Variants in EPN1 observed in about 807,000 individuals in gnomAD.
The protein encoded by EPN1 is epsin-1.
In EPN1, 25 loss-of-function variants were observed where a neutral mutation model predicts 56.9. That is an observed-to-expected ratio of 0.44 (90% CI 0.32 to 0.61). The LOEUF (loss-of-function observed/expected upper bound fraction) is 0.61, where lower values mean the gene tolerates loss of function less well. EPN1 is among the 20% of genes least tolerant of loss of function. The probability of loss-of-function intolerance (pLI) is 0.05; values close to 1 mark genes in which losing one functional copy is unlikely to be tolerated. For missense variants in EPN1, 785 were observed against 823.7 expected (o/e 0.95, Z 0.58); for synonymous variants, 411 against 361.8 (o/e 1.14, Z -1.54).
chr19:55,699,986 T>G lies in EPN1; in HGVS notation c.*4630T>G, dbSNP rs1987066813. ...CCCAGGCTGGAGTGCAGTGGCTCGA[T>G]CTCTGCTCACTGCAAGCTCCGCCTC... On this transcript the variant is annotated 3_prime_UTR_variant, in exon 11 of 11. Transcript: ENST00000270460. The G allele has an allele frequency of 6.6e-6, 1 of 151,960 alleles. No individual in the cohort carries two copies. The highest frequency in any genetic ancestry group is 1.5e-5 in the Non-Finnish European group (1 of 68,010). 9.4% of individuals were successfully genotyped at this position (151,960 alleles called of 1,614,324 possible).
In EPN1 at chr19:55,691,178, G is replaced by T. The variant is rs978121471; in HGVS notation, c.763-576G>T. Among the ~76,000 whole-genome samples the T allele has an allele frequency of 6.6e-6, 1 of 152,108 alleles. No individual in the cohort carries two copies. Among genetic ancestry groups the T allele is most frequent in the Non-Finnish European group, 1.5e-5 (1 of 68,024 alleles). On this transcript the variant is annotated intron_variant, in intron 6 of 10. Transcript: ENST00000270460. The surrounding 1 kb of genome is among the most constrained non-coding windows in gnomAD (Gnocchi z 5.6). ...GGAAGACCTGCAGTGCGATGACTGC[G>T]GGGTGACAGTGGGGCAATGGGCGTG...
At chr19:55,682,034 G>A (rs1343020465) in intron 2 of EPN1, among the ~76,000 whole-genome samples, 2 of 151,604 alleles carry the variant, frequency 1.3e-5, no homozygotes, top group African/African-American at 4.9e-5. Flanking sequence ...TTGAACTCCT[G>A]GGCTCAAGCG....
rs12327799 is a variant in EPN1 at position 55,697,447 on chromosome 19, A to G, written c.*2091A>G. ...GGAGCCTGCACTCCCTTTCTCTTCA[A>G]AAAAGCTGAGGACGAAGATAAAATG... On this transcript the variant is annotated 3_prime_UTR_variant, in exon 11 of 11. Transcript: ENST00000270460. 2 of 152,224 alleles carry G rather than the reference A, an allele frequency of 1.3e-5. No individual in the cohort carries two copies. Among genetic ancestry groups the G allele is most frequent in the Admixed American group, 6.5e-5 (1 of 15,284 alleles). 9.4% of individuals were successfully genotyped at this position (152,224 alleles called of 1,614,324 possible). A position where few individuals can be genotyped will look rare whatever the true frequency, so the allele number is the denominator to read the frequency against.
Position 55,697,075 on chromosome 19 carries a change from C to T in EPN1, c.*1719C>T, listed in dbSNP as rs916801589. 9 of 152,204 alleles carry T rather than the reference C, an allele frequency of 5.9e-5. No homozygotes were observed. The highest frequency in any genetic ancestry group is 1.7e-4 in the African/African-American group (7 of 41,444). 9.4% of individuals were successfully genotyped at this position (152,204 alleles called of 1,614,324 possible). ...CTTGCTTAGCCAGGGAGGGGAAGCC[C>T]TCTTCTCACACCCGGCCTGGGTATG... is the stretch of plus-strand genomic sequence containing the variant. On this transcript the variant is annotated 3_prime_UTR_variant, in exon 11 of 11. Transcript: ENST00000270460.
Position 55,695,113 on chromosome 19 carries a change from C to A in EPN1, c.1523-35C>A. 1 of 1,612,726 alleles carries A rather than the reference C, an allele frequency of 6.2e-7. No individual in the cohort carries two copies. Among genetic ancestry groups the A allele is most frequent in the Non-Finnish European group, 8.5e-7 (1 of 1,179,090 alleles). On this transcript the variant is annotated intron_variant, in intron 10 of 10. Transcript: ENST00000270460. The surrounding 1 kb of genome is among the most constrained non-coding windows in gnomAD (Gnocchi z 4.4). The stretch of plus-strand genomic sequence containing the variant: ...GGACACAGGTGGGCTGCGCCACTGA[C>A]TCCACTCCGTGTCTCTGGTTTACTC...
In EPN1 at chr19:55,698,358, C is replaced by G. The variant is rs1600113571; in HGVS notation, c.*3002C>G. The stretch of plus-strand genomic sequence containing the variant: ...GAATTTCTCCCTGGGACAGGTGAAG[C>G]GATGGGGCGTGGGACATTCCTGGGT... On this transcript the variant is annotated 3_prime_UTR_variant, in exon 11 of 11. Transcript: ENST00000270460. 6.6e-6 allele frequency: 1 copy of G among 152,176 alleles called. No individual in the cohort carries two copies. The highest frequency in any genetic ancestry group is 1.5e-5 in the Non-Finnish European group (1 of 68,122). The allele number at this position is 152,176 out of a possible 1,614,324, so 9.4% of individuals were successfully genotyped here.
In EPN1 at chr19:55,685,497, G is replaced by A. The variant is rs1986105919; in HGVS notation, c.330G>A (p.Gln110=). 2 of 1,612,826 alleles carry A rather than the reference G, an allele frequency of 1.2e-6. No homozygotes were observed. The highest frequency in any genetic ancestry group is 8.5e-7 in the Non-Finnish European group (1 of 1,179,522). ...MYAVQTLKDF[Q]YVDRDGKDQG... ...CCGTGCAGACGCTGAAGGACTTCCA[G>A]TACGTGGACCGCGACGGCAAGGACC... The change falls in exon 3 of 11, where the codon CAG becomes CAA. Residue 110 remains glutamine, a synonymous_variant. Transcript: ENST00000270460.
chr19:55,686,676 A>G (rs1466396532), intron 3 of EPN1, among the ~76,000 whole-genome samples: 1 of 152,130 alleles, frequency 6.6e-6, no homozygotes, highest in African/African-American at 2.4e-5. Flanking sequence ...CCCACGAGCC[A>G]GTAGATGGGC....
At chr19:55,687,194 GT>G (rs1986227696) in intron 3 of EPN1, among the ~76,000 whole-genome samples, 1 of 152,166 alleles carries the variant, frequency 6.6e-6, no homozygotes, top group South Asian at 2.1e-4. Context: ...ATTGAAAAAT[GT>G]AAAGGCCTTT....
rs1378379642 is a variant in EPN1 at position 55,708,942 on chromosome 19, C to G, written c.*13586C>G. ...GGAGCACACCCCTGATCTTGTATTC[C>G]TCGTCAATCCAAGGTCCATGTGAAA... On this transcript the variant is annotated 3_prime_UTR_variant, in exon 11 of 11. Coordinates refer to ENST00000270460, the MANE Select transcript of EPN1 (RefSeq NM_001130072.2). 3.2e-6 allele frequency: 5 copies of G among 1,569,918 alleles called. No individual in the cohort carries two copies. The South Asian group carries it at 6.0e-5, about 19-fold the overall frequency.
rs1314143672 is a variant in EPN1 at position 55,690,048 on chromosome 19, A to G, written c.762+98A>G. 3.4e-6 allele frequency: 4 copies of G among 1,181,630 alleles called. No individual in the cohort carries two copies. In the East Asian group the frequency reaches 7.7e-5, roughly 23 times the overall value. 73.2% of individuals were successfully genotyped at this position (1,181,630 alleles called of 1,614,324 possible). ...CCAGGTCCCTGGAGCAGAGACTGAA[A>G]CACAAGGTCCTGGAGCTGGGCACCG... is the stretch of plus-strand genomic sequence containing the variant. On this transcript the variant is annotated intron_variant, in intron 6 of 10. Transcript: ENST00000270460.
In EPN1 at chr19:55,706,289, T is replaced by TC. The variant is rs1268011643; in HGVS notation, c.*10933_*10934insC. ...TTCTTCTCTTTTTCTTCTTCTTTTT[T>TC]TTTTTTTTTTAAAAGACCGTGTTTC... On this transcript the variant is annotated 3_prime_UTR_variant, in exon 11 of 11. Coordinates refer to ENST00000270460, the MANE Select transcript of EPN1 (RefSeq NM_001130072.2). 6.5e-6 allele frequency: 1 copy of TC among 153,166 alleles called. No individual in the cohort carries two copies. The highest frequency in any genetic ancestry group is 1.4e-5 in the Non-Finnish European group (1 of 71,908). 9.5% of individuals were successfully genotyped at this position (153,166 alleles called of 1,614,324 possible).
chr19:55,704,101 C>T lies in EPN1; in HGVS notation c.*8745C>T, dbSNP rs1407683854. 1 of 152,356 alleles carries T rather than the reference C, an allele frequency of 6.6e-6. No homozygotes were observed. Among genetic ancestry groups the T allele is most frequent in the Non-Finnish European group, 1.5e-5 (1 of 68,128 alleles). The allele number at this position is 152,356 out of a possible 1,614,324, so 9.4% of individuals were successfully genotyped here. The stretch of plus-strand genomic sequence containing the variant: ...CACACGTACCTCTCGCGGGCTCTTA[C>T]TCGTGGTCCCGGTCTCCTCCTGGTC... On this transcript the variant is annotated 3_prime_UTR_variant, in exon 11 of 11. Coordinates refer to ENST00000270460, the MANE Select transcript of EPN1 (RefSeq NM_001130072.2).
In EPN1 at chr19:55,692,782, C is replaced by T; in HGVS notation, c.1163C>T (p.Thr388Ile). Reference sequence around the variant, plus strand: ...GGAGGGTCACCTGCCAAGCCCAGCACCAATGGCACAACAGGTACTGGAATG... The same window carrying T: ...GGAGGGTCACCTGCCAAGCCCAGCATCAATGGCACAACAGGTACTGGAATG... Reference protein sequence around the residue: ...PWGGSPAKPSTNGTTAAGGFD... With the variant: ...PWGGSPAKPSINGTTAAGGFD... Residue 388 changes from threonine (T) to isoleucine (I), a missense_variant, in exon 8 of 11, where the codon ACC becomes ATC. This residue lies in a region of EPN1 where 650 missense variants were observed against 605.0 expected (regional missense o/e 1.07). Transcript: ENST00000270460. 6.3e-7 allele frequency: 1 copy of T among 1,597,120 alleles called. No homozygotes were observed. Among genetic ancestry groups the T allele is most frequent in the Admixed American group, 1.8e-5 (1 of 56,902 alleles).
At position 55,702,422 on chromosome 19, in the gene EPN1, AGT is replaced by A. The variant is rs889797779; in HGVS notation, c.*7070_*7071del. 6.6e-6 allele frequency: 1 copy of A among 152,172 alleles called. No homozygotes were observed. The highest frequency in any genetic ancestry group is 2.4e-5 in the African/African-American group (1 of 41,406). 9.4% of individuals were successfully genotyped at this position (152,172 alleles called of 1,614,324 possible). On this transcript the variant is annotated 3_prime_UTR_variant, in exon 11 of 11. Transcript: ENST00000270460. ...CCCCCACGCGCTTCCAGCTTCCCTT[AGT>A]GTGCCTAAAGAAAGGGAAAGGAATG...
rs959297772 is a variant in EPN1 at position 55,691,150 on chromosome 19, A to T, written c.763-604A>T. 6.6e-6 allele frequency among the ~76,000 whole-genome samples: 1 copy of T among 152,122 alleles called. No individual in the cohort carries two copies. The highest frequency in any genetic ancestry group is 2.4e-5 in the African/African-American group (1 of 41,414). ...GACCATGCATGCGTGTGCGTGCGGC[A>T]TGGGAAGACCTGCAGTGCGATGACT... is the stretch of plus-strand genomic sequence containing the variant. On this transcript the variant is annotated intron_variant, in intron 6 of 10. Coordinates refer to ENST00000270460, the MANE Select transcript of EPN1 (RefSeq NM_001130072.2). This position sits in a 1 kb window ranked among gnomAD's most constrained non-coding sequence, Gnocchi z 5.6.
intron 1 of EPN1, among the ~76,000 whole-genome samples, chr19:55,678,322 A>G (rs1175026104): frequency 6.6e-6 from 1 of 152,208 alleles, no homozygotes; most frequent in Non-Finnish European, 1.5e-5. Flanking sequence ...GCCACTGCAT[A>G]TACTCTGCCT....
intron 3 of EPN1, among the ~76,000 whole-genome samples, chr19:55,688,646 T>C (rs1986321640): frequency 1.3e-5 from 2 of 151,960 alleles, no homozygotes; most frequent in Non-Finnish European, 1.5e-5. Flanking sequence ...CCCTGATGCC[T>C]GGCCCCTCCC....
chr19:55,683,632 C>T (rs890142148), intron 2 of EPN1, among the ~76,000 whole-genome samples: 2 of 152,152 alleles, frequency 1.3e-5, no homozygotes, highest in African/African-American at 4.8e-5. Context: ...GGATTATAGG[C>T]GTGAGCCACC....
Sources: allele counts gnomAD v4.1 joint callset (sites outside exome capture counted in the v4.1 genomes callset), GRCh38; gene constraint gnomAD v4.1.1; regional missense constraint gnomAD v4.1.1; non-coding constraint Gnocchi (gnomAD v3.1); transcripts MANE v1.5; gene names NCBI Gene and HGNC (gene_info 2026-07-23, HGNC 2026-07-21).